The following PDE4D variants were observed in gnomAD, a reference collection of about 807,000 sequenced individuals.
The protein encoded by PDE4D is 3',5'-cyclic-AMP phosphodiesterase 4D.
Under a neutral mutation model 87.4 loss-of-function variants are expected in PDE4D, and 24 were observed. That is an observed-to-expected ratio of 0.27 (90% CI 0.20 to 0.39). PDE4D has a LOEUF of 0.39. PDE4D is among the 10% of genes least tolerant of loss of function. The pLI is 1.00. For missense variants in PDE4D, 714 were observed against 1,041.0 expected (o/e 0.69, Z 4.32); for synonymous variants, 384 against 383.2 (o/e 1.00, Z -0.02).
intron 1 of PDE4D, among the ~76,000 whole-genome samples, chr5:59,813,837 A>T (rs996750200): frequency 1.3e-5 from 2 of 152,208 alleles, no homozygotes; most frequent in African/African-American, 4.8e-5. Context: ...CCTATTTATG[A>T]TTGCAACCAT....
At chr5:59,393,258 A>G (rs1788601012) in intron 1 of PDE4D, among the ~76,000 whole-genome samples, 1 of 152,190 alleles carries the variant, frequency 6.6e-6, no homozygotes, top group Non-Finnish European at 1.5e-5. Context: ...CTTTGAGATC[A>G]ATGCCAGAGA....
chr5:59,630,711 A>G (rs900022343), intron 1 of PDE4D, among the ~76,000 whole-genome samples: 16 of 152,202 alleles, frequency 1.1e-4, no homozygotes, highest in African/African-American at 2.4e-5. Context: ...CACAACTTCT[A>G]TAATAGAAGC....
chr5:59,652,718 C>T (rs1399849829), intron 1 of PDE4D, among the ~76,000 whole-genome samples: 5 of 152,074 alleles, frequency 3.3e-5, no homozygotes, highest in Admixed American at 3.3e-4. Flanking sequence ...ACCTTGTCTC[C>T]TCAACCATTC....
At chr5:60,510,759 A>G (rs948358415) in intron 1 of PDE4D, among the ~76,000 whole-genome samples, 4 of 152,180 alleles carry the variant, frequency 2.6e-5, no homozygotes, top group Non-Finnish European at 5.9e-5. Flanking sequence ...TTTCTGGAAA[A>G]AGTATAAAGG....
intron 3 of PDE4D, among the ~76,000 whole-genome samples, chr5:59,979,643 C>T (rs2152824036): frequency 6.6e-6 from 1 of 152,234 alleles, no homozygotes; most frequent in East Asian, 1.9e-4. Context: ...GCATACATGA[C>T]TTCAAACAAC....
At chr5:59,709,599 G>T (rs1371931331) in intron 1 of PDE4D, among the ~76,000 whole-genome samples, 2 of 152,090 alleles carry the variant, frequency 1.3e-5, no homozygotes. Flanking sequence ...AAAAACCTGG[G>T]GACAGCTGAA....
intron 1 of PDE4D, among the ~76,000 whole-genome samples, chr5:59,829,511 C>T (rs1162248320): frequency 6.6e-6 from 1 of 152,014 alleles, no homozygotes; most frequent in African/African-American, 2.4e-5. Flanking sequence ...TTCAGCAGCA[C>T]TCTCTTCCGG....
intron 5 of PDE4D, among the ~76,000 whole-genome samples, chr5:59,054,425 A>T (rs1762037427): frequency 6.6e-6 from 1 of 151,926 alleles, no homozygotes; most frequent in Non-Finnish European, 1.5e-5. Flanking sequence ...TCAGTAATAT[A>T]AAAAAAATGT....
At chr5:58,991,332 A>C (rs1411738183) in intron 8 of PDE4D, among the ~76,000 whole-genome samples, 1 of 152,200 alleles carries the variant, frequency 6.6e-6, no homozygotes, top group Non-Finnish European at 1.5e-5. Context: ...TTCAGTGTAA[A>C]GATTGTTAGA....
chr5:60,110,556 AT>A (rs1192396526), intron 2 of PDE4D, among the ~76,000 whole-genome samples: 1 of 152,164 alleles, frequency 6.6e-6, no homozygotes, highest in Non-Finnish European at 1.5e-5. Flanking sequence ...GTTGGTGCAA[AT>A]GTAAATTAGT....
At chr5:59,093,053 G>A (rs998810462) in intron 5 of PDE4D, among the ~76,000 whole-genome samples, 6 of 152,086 alleles carry the variant, frequency 3.9e-5, no homozygotes, top group Admixed American at 2.6e-4. Context: ...AAATAATAAA[G>A]GAAACAAGAT....
At chr5:59,746,693 T>C (rs1759657350) in intron 1 of PDE4D, among the ~76,000 whole-genome samples, 1 of 152,150 alleles carries the variant, frequency 6.6e-6, no homozygotes, top group African/African-American at 2.4e-5. Context: ...AATCTCCTTA[T>C]GCTCCTGTAT....
At chr5:59,279,608 A>G (rs576537127) in intron 1 of PDE4D, among the ~76,000 whole-genome samples, 1 of 152,148 alleles carries the variant, frequency 6.6e-6, no homozygotes, top group African/African-American at 2.4e-5. Flanking sequence ...AATAACTACT[A>G]ATTATTAATT....
chr5:59,596,498 G>A (rs748929531), intron 1 of PDE4D, among the ~76,000 whole-genome samples: 1 of 151,896 alleles, frequency 6.6e-6, no homozygotes, highest in Non-Finnish European at 1.5e-5. Flanking sequence ...TGCTCTAGGG[G>A]TAGTGGGGTT....
At chr5:59,175,844 G>C (rs1454656537) in intron 5 of PDE4D, among the ~76,000 whole-genome samples, 2 of 146,206 alleles carry the variant, frequency 1.4e-5, no homozygotes, top group South Asian at 2.1e-4. Context: ...TGCCCAGGCT[G>C]GTCTTGAATT....
At chr5:59,085,127 A>G (rs965810656) in intron 5 of PDE4D, among the ~76,000 whole-genome samples, 3 of 152,210 alleles carry the variant, frequency 2.0e-5, no homozygotes, top group African/African-American at 7.2e-5. Flanking sequence ...TCATCACAAT[A>G]GTGCTTATAA....
chr5:59,642,173 A>G (rs1333710328), intron 1 of PDE4D, among the ~76,000 whole-genome samples: 1 of 152,094 alleles, frequency 6.6e-6, no homozygotes, highest in Non-Finnish European at 1.5e-5. Context: ...AGGTGTAGGA[A>G]GAACTCTGGA....
intron 1 of PDE4D, among the ~76,000 whole-genome samples, chr5:59,510,845 C>G (rs1810174537): frequency 1.3e-5 from 2 of 151,860 alleles, no homozygotes; most frequent in South Asian, 4.1e-4. Context: ...AGCAGATAGG[C>G]AAGGAGATCT....
intron 1 of PDE4D, among the ~76,000 whole-genome samples, chr5:60,350,332 G>A (rs1470383814): frequency 6.6e-6 from 1 of 152,144 alleles, no homozygotes; most frequent in Non-Finnish European, 1.5e-5. Flanking sequence ...GGCTTTCCTT[G>A]TCAAGATCTT....
Sources: allele counts gnomAD v4.1 joint callset (sites outside exome capture counted in the v4.1 genomes callset), GRCh38; gene constraint gnomAD v4.1.1; transcripts MANE v1.5; gene names NCBI Gene and HGNC (gene_info 2026-07-23, HGNC 2026-07-21).